The following MKKS variants were observed in gnomAD, a reference collection of about 807,000 sequenced individuals.
The protein encoded by MKKS is MKKS centrosomal shuttling protein.
MKKS carries 29 observed loss-of-function variants against 33.2 expected under a neutral mutation model. The observed-to-expected ratio is 0.87, with a 90% CI of 0.65 to 1.19. MKKS has a LOEUF of 1.19. Ranked by LOEUF, MKKS falls within the 50% of genes most tolerant of loss-of-function variation. The probability of loss-of-function intolerance (pLI) is 0.00; values close to 1 mark genes in which losing one functional copy is unlikely to be tolerated. For synonymous variants in MKKS, 260 were observed against 244.0 expected (o/e 1.07, Z -0.61); for missense variants, 661 against 662.3 (o/e 1.00, Z 0.02).
At chr20:10,426,814 A>G (rs2065017273) in intron 1 of MKKS, among the ~76,000 whole-genome samples, 1 of 152,240 alleles carries the variant, frequency 6.6e-6, no homozygotes, top group Admixed American at 6.5e-5. Flanking sequence ...CAAAAAAATT[A>G]GAGGGCAAAA....
chr20:10,418,301 AT>A (rs1201390891), intron 2 of MKKS, among the ~76,000 whole-genome samples: 4 of 152,222 alleles, frequency 2.6e-5, no homozygotes, highest in Non-Finnish European at 4.4e-5. Flanking sequence ...GCCCTTAACT[AT>A]TAAAGCTGGT....
chr20:10,415,254 A>T (rs1172838132), intron 2 of MKKS, among the ~76,000 whole-genome samples: 3 of 152,194 alleles, frequency 2.0e-5, no homozygotes, highest in African/African-American at 7.2e-5. Flanking sequence ...TGAGTATGGT[A>T]GTGTCCAGGA....
intron 1 of MKKS, among the ~76,000 whole-genome samples, chr20:10,429,307 G>C (rs2065037808): frequency 6.6e-6 from 1 of 152,012 alleles, no homozygotes; most frequent in African/African-American, 2.4e-5. Flanking sequence ...TTCCTTCTTA[G>C]TCTCCTTTAA....
chr20:10,422,219 T>C (rs892508633), intron 1 of MKKS, among the ~76,000 whole-genome samples: 9 of 152,146 alleles, frequency 5.9e-5, no homozygotes, highest in African/African-American at 1.9e-4. Context: ...TATAAGGACT[T>C]TGTGGCAAAA....
chr20:10,408,681 T>C lies in MKKS; in HGVS notation c.1108A>G (p.Ile370Val). The C allele has an allele frequency of 6.2e-7, 1 of 1,614,124 alleles. No individual in the cohort carries two copies. Among genetic ancestry groups the C allele is most frequent in the Admixed American group, 1.7e-5 (1 of 60,020 alleles). Reference protein sequence around the residue: ...FFHLIPNEATICSLLLCNRND... With the variant: ...FFHLIPNEATVCSLLLCNRND... The stretch of plus-strand genomic sequence containing the variant: ...CTGTTGCAGAGAAGCAAGCTGCAGA[T>C]TGTTGCTTCATTAGGAATAAGATGA... Residue 370 changes from isoleucine to valine, a missense_variant, in exon 4 of 6, where the codon ATC becomes GTC. Transcript: ENST00000347364.
At chr20:10,411,605 C>T (rs1568665601) in intron 3 of MKKS, among the ~76,000 whole-genome samples, 1 of 152,176 alleles carries the variant, frequency 6.6e-6, no homozygotes, top group Non-Finnish European at 1.5e-5. Context: ...CAAGGTAGGG[C>T]AATAACCCAG....
Position 10,413,420 on chromosome 20 carries a change from A to G in MKKS, c.95T>C (p.Ile32Thr). 3 of 1,613,302 alleles carry G rather than the reference A, an allele frequency of 1.9e-6. No individual in the cohort carries two copies. In the East Asian group the frequency reaches 6.7e-5, roughly 36 times the overall value. Residue 32 changes from isoleucine (I) to threonine (T), a missense_variant, in exon 3 of 6, where the codon ATT (isoleucine) becomes ACT (threonine). Ile to Thr is a moderately conservative substitution (Grantham distance 89). Transcript: ENST00000347364. ...TGAGGGGCCATAGCATGATGTTACA[A>G]TTCTTTTCAAGACAGAAAGTGTGGT... ...VRTTLSVLKR[I>T]VTSCYGPSGR...
chr20:10,405,035 TAAATA>T lies in MKKS; in HGVS notation c.*207_*211del. ...ATCCCTAAGATAACTATAATATTTT[TAAATA>T]AATAATGCTTCATATTTTTATTGTT... On this transcript the variant is annotated 3_prime_UTR_variant, in exon 6 of 6. Coordinates refer to ENST00000347364, the MANE Select transcript of MKKS (RefSeq NM_170784.3). 2.3e-6 allele frequency: 1 copy of T among 434,578 alleles called. No homozygotes were observed. The highest frequency in any genetic ancestry group is 4.1e-6 in the Non-Finnish European group (1 of 245,984). 26.9% of individuals were successfully genotyped at this position (434,578 alleles called of 1,614,324 possible).
chr20:10,422,940 T>C (rs1474521921), intron 1 of MKKS, among the ~76,000 whole-genome samples: 1 of 152,056 alleles, frequency 6.6e-6, no homozygotes, highest in Non-Finnish European at 1.5e-5. Context: ...CTCGATCTCC[T>C]GACCTTGCGA....
chr20:10,409,827 C>T (rs879519442), intron 3 of MKKS, among the ~76,000 whole-genome samples: 2 of 151,334 alleles, frequency 1.3e-5, no homozygotes, highest in South Asian at 4.2e-4. Context: ...AAAAACTAGC[C>T]GGGCGTGGTG....
At chr20:10,432,273 C>T (rs183043808) in intron 1 of MKKS, among the ~76,000 whole-genome samples, 4 of 152,326 alleles carry the variant, frequency 2.6e-5, no homozygotes, top group Admixed American at 1.3e-4. Context: ...TTTTCTATTG[C>T]CCAATCCTGC....
At position 10,402,723 on chromosome 20, in the gene MKKS, T is replaced by G. The variant is rs1483250701; in HGVS notation, c.*2524A>C. 6.6e-6 allele frequency: 1 copy of G among 152,166 alleles called. No individual in the cohort carries two copies. Among genetic ancestry groups the G allele is most frequent in the Non-Finnish European group, 1.5e-5 (1 of 68,024 alleles). The allele number at this position is 152,166 out of a possible 1,614,324, so 9.4% of individuals were successfully genotyped here. ...GAACCAGGACAATACCCAACTCCTA[T>G]GTGACACATTGTAAACACATGTGAT... is the stretch of plus-strand genomic sequence containing the variant. On this transcript the variant is annotated 3_prime_UTR_variant, in exon 6 of 6. Coordinates refer to ENST00000347364, the MANE Select transcript of MKKS (RefSeq NM_170784.3).
Position 10,404,691 on chromosome 20 carries a change from T to C in MKKS, c.*556A>G, listed in dbSNP as rs2064828797. 1 of 152,168 alleles carries C rather than the reference T, an allele frequency of 6.6e-6. No individual in the cohort carries two copies. Among genetic ancestry groups the C allele is most frequent in the African/African-American group, 2.4e-5 (1 of 41,424 alleles). The allele number at this position is 152,168 out of a possible 1,614,324, so 9.4% of individuals were successfully genotyped here. On this transcript the variant is annotated 3_prime_UTR_variant, in exon 6 of 6. Coordinates refer to ENST00000347364, the MANE Select transcript of MKKS (RefSeq NM_170784.3). ...GTGGAGTTGTGATATAAACTACAAA[T>C]TGCAGGCAAACCAGGTTCTACTCAA...
At chr20:10,406,120 A>G (rs1160982929) in intron 5 of MKKS, among the ~76,000 whole-genome samples, 2 of 152,210 alleles carry the variant, frequency 1.3e-5, no homozygotes, top group Non-Finnish European at 2.9e-5. Flanking sequence ...ATTTGCTTAA[A>G]ATGGGAATGC....
chr20:10,401,355 C>A lies in MKKS; in HGVS notation c.*3892G>T, dbSNP rs1248506471. On this transcript the variant is annotated 3_prime_UTR_variant, in exon 6 of 6. Coordinates refer to ENST00000347364, the MANE Select transcript of MKKS (RefSeq NM_170784.3). ...TGGCAAAAACTTCCATTATGGGATA[C>A]AATAGTTACTAAATGGAAGCACTTA... The A allele has an allele frequency of 6.6e-6, 1 of 151,918 alleles. No homozygotes were observed. Among genetic ancestry groups the A allele is most frequent in the Non-Finnish European group, 1.5e-5 (1 of 67,958 alleles). The allele number at this position is 151,918 out of a possible 1,614,324, so 9.4% of individuals were successfully genotyped here.
chr20:10,405,633 GTTCTGTTTGAGTACA>G lies in MKKS; in HGVS notation c.1312_1326del (p.Cys438_Glu442del). 1 of 1,614,116 alleles carries G rather than the reference GTTCTGTTTGAGTACA, an allele frequency of 6.2e-7. No individual in the cohort carries two copies. Among genetic ancestry groups the G allele is most frequent in the Non-Finnish European group, 8.5e-7 (1 of 1,179,984 alleles). On this transcript the variant is annotated inframe_deletion, in exon 6 of 6. Coordinates refer to ENST00000347364, the MANE Select transcript of MKKS (RefSeq NM_170784.3). The stretch of plus-strand genomic sequence containing the variant: ...CAAAATGCTTCAGCAATTAATTGAA[GTTCTGTTTGAGTACA>G]TTCATCATCTTTGAGAATGCTTTCT...
Position 10,405,384 on chromosome 20 carries a change from G to A in MKKS, c.1576C>T (p.Leu526Phe), listed in dbSNP as rs1239900206. ...GCTGAGCCCACAGCTTCATGTGGAAGGCAGCTTTGTGGCACAAATGGACGA... is the reference window on the plus strand; with the variant it reads ...GCTGAGCCCACAGCTTCATGTGGAAAGCAGCTTTGTGGCACAAATGGACGA... ...TRRPFVPQSC[L>F]PHEAVGSASN... is the part of the protein sequence containing the mutation. Residue 526 changes from leucine (L) to phenylalanine (F), a missense_variant, in exon 6 of 6, where the codon CTT becomes TTT. Leu to Phe is a conservative substitution (Grantham distance 22, BLOSUM62 0). Coordinates refer to ENST00000347364, the MANE Select transcript of MKKS (RefSeq NM_170784.3). 6.2e-7 allele frequency: 1 copy of A among 1,614,088 alleles called. No individual in the cohort carries two copies. Among genetic ancestry groups the A allele is most frequent in the African/African-American group, 1.3e-5 (1 of 74,944 alleles).
rs561789372 is a variant in MKKS at position 10,412,894 on chromosome 20, T to C, written c.621A>G (p.Gln207=). 2 of 1,613,954 alleles carry C rather than the reference T, an allele frequency of 1.2e-6. No homozygotes were observed. The highest frequency in any genetic ancestry group is 2.7e-5 in the African/African-American group (2 of 75,006). Residue 207 remains glutamine, a synonymous_variant, in exon 3 of 6, where the codon CAA becomes CAG. Transcript: ENST00000347364. ...GKSLIVPLKG[Q]RVIDSTVLPG... ...GTAATACAGTGGAATCTATAACTCTTTGACCTTTTAAAGGTACAATTAAAC... is the reference window on the plus strand; with the variant it reads ...GTAATACAGTGGAATCTATAACTCTCTGACCTTTTAAAGGTACAATTAAAC...
chr20:10,412,875 C>T lies in MKKS; in HGVS notation c.640G>A (p.Val214Ile), dbSNP rs1380229253. 6.2e-7 allele frequency: 1 copy of T among 1,614,102 alleles called. No individual in the cohort carries two copies. Among genetic ancestry groups the T allele is most frequent in the Non-Finnish European group, 8.5e-7 (1 of 1,180,004 alleles). The part of the protein sequence containing the change: ...LKGQRVIDST[V>I]LPGILIEMSE... The stretch of plus-strand genomic sequence containing the variant: ...ATTTCAATGAGTATCCCAGGTAATA[C>T]AGTGGAATCTATAACTCTTTGACCT... The change falls in exon 3 of 6, where the codon GTA (valine) becomes ATA (isoleucine). Residue 214 changes from valine (V) to isoleucine (I), a missense_variant. Coordinates refer to ENST00000347364, the MANE Select transcript of MKKS (RefSeq NM_170784.3).
Sources: allele counts gnomAD v4.1 joint callset (sites outside exome capture counted in the v4.1 genomes callset), GRCh38; gene constraint gnomAD v4.1.1; transcripts MANE v1.5; gene names NCBI Gene and HGNC (gene_info 2026-07-23, HGNC 2026-07-21).